The following PTPRN2 variants were observed in gnomAD, a reference collection of about 807,000 sequenced individuals.
PTPRN2 encodes protein tyrosine phosphatase receptor type N2, also known as receptor-type tyrosine-protein phosphatase N2.
In PTPRN2, 74 loss-of-function variants were observed where a neutral mutation model predicts 118.8. The observed-to-expected ratio is 0.62, with a 90% CI of 0.52 to 0.76. The LOEUF is 0.76. PTPRN2 is among the 30% of genes least tolerant of loss of function. The pLI, the probability that PTPRN2 is intolerant of heterozygous loss-of-function variation, is 0.00. For missense variants in PTPRN2, 1,481 were observed against 1,394.4 expected, an observed-to-expected ratio of 1.06 and a Z score of -0.99; for synonymous variants, 641 against 608.0, an observed-to-expected ratio of 1.05 and a Z score of -0.80.
chr7:158,340,335 ACT>A (rs1806433153), intron 2 of PTPRN2, among the ~76,000 whole-genome samples: 1 of 102,200 alleles, frequency 9.8e-6, no homozygotes, highest in Non-Finnish European at 2.1e-5. Flanking sequence ...TCACACCCAC[ACT>A]GTCACCATAA....
intron 11 of PTPRN2, among the ~76,000 whole-genome samples, chr7:157,989,014 A>G (rs749307768): frequency 4.6e-5 from 7 of 152,268 alleles, no homozygotes; most frequent in African/African-American, 9.6e-5. Context: ...TCCTACCGCT[A>G]TAACACATTC....
At chr7:157,848,570 A>T (rs1809048376) in intron 12 of PTPRN2, among the ~76,000 whole-genome samples, 1 of 152,218 alleles carries the variant, frequency 6.6e-6, no homozygotes, top group African/African-American at 2.4e-5. Flanking sequence ...CTGCTGTGAG[A>T]TGGGCAACAG....
intron 2 of PTPRN2, among the ~76,000 whole-genome samples, chr7:158,317,297 G>C (rs1802413084): frequency 6.6e-6 from 1 of 152,164 alleles, no homozygotes; most frequent in African/African-American, 2.4e-5. Context: ...TAACATTCCA[G>C]GCCAGTTTTC....
At chr7:157,608,249 G>A (rs1802121352) in intron 15 of PTPRN2, among the ~76,000 whole-genome samples, 1 of 152,092 alleles carries the variant, frequency 6.6e-6, no homozygotes, top group Admixed American at 6.5e-5. Context: ...TGTATTTTTA[G>A]TAGAGACAGG....
chr7:157,816,703 C>T (rs75659555), intron 12 of PTPRN2, among the ~76,000 whole-genome samples: 6,722 of 152,258 alleles, frequency 0.044, 274 homozygotes, highest in East Asian at 0.21. Context: ...GGCTGGCATT[C>T]GGCACATCCT....
chr7:157,668,846 C>T (rs1796267431), intron 13 of PTPRN2, among the ~76,000 whole-genome samples: 1 of 152,150 alleles, frequency 6.6e-6, no homozygotes, highest in Admixed American at 6.5e-5. Context: ...GAAAAATATT[C>T]CAGGTTGTTA....
intron 9 of PTPRN2, among the ~76,000 whole-genome samples, chr7:158,117,083 T>G (rs4909241): frequency 0.32 from 48,849 of 151,648 alleles, 7,994 homozygotes; most frequent in East Asian, 0.42. Flanking sequence ...CAACAATAAT[T>G]GTCTCTAAAA....
intron 12 of PTPRN2, among the ~76,000 whole-genome samples, chr7:157,810,639 GACGGGA>G (rs1344392645): frequency 7.5e-6 from 1 of 133,346 alleles, no homozygotes; most frequent in Non-Finnish European, 1.6e-5. Flanking sequence ...TGGGGACGGG[GACGGGA>G]ACGGCGGGAC....
intron 1 of PTPRN2, among the ~76,000 whole-genome samples, chr7:158,558,865 C>T (rs2129450787): frequency 6.6e-6 from 1 of 152,194 alleles, no homozygotes; most frequent in South Asian, 2.1e-4. Flanking sequence ...AGAGATGAGG[C>T]CCAGAAGACA....
At chr7:158,395,824 C>G (rs1229751224) in intron 2 of PTPRN2, among the ~76,000 whole-genome samples, 1 of 148,458 alleles carries the variant, frequency 6.7e-6, no homozygotes, top group Non-Finnish European at 1.5e-5. Flanking sequence ...GCGAGGGCTC[C>G]CGGCCTGCGC....
Position 157,898,733 on chromosome 7 carries a change from G to A in PTPRN2, c.1728C>T (p.Asp576=). 1.2e-6 allele frequency: 2 copies of A among 1,604,548 alleles called. No individual in the cohort carries two copies. Among genetic ancestry groups the A allele is most frequent in the Non-Finnish European group, 1.7e-6 (2 of 1,171,142 alleles). Residue 576 remains aspartate (D), a synonymous_variant, in exon 12 of 23, where the codon GAC becomes GAT. Transcript: ENST00000389418. ...AGGTTTCCTCCAGTTTGTCTTTGTT[G>A]TCAACTGTTAGGAAAAATCAGAAAG... ...TTEDVEKATV[D]NKDKLEETSG...
intron 6 of PTPRN2, among the ~76,000 whole-genome samples, chr7:158,156,716 GA>G (rs1437585923): frequency 6.6e-6 from 1 of 152,182 alleles, no homozygotes; most frequent in Non-Finnish European, 1.5e-5. Flanking sequence ...GTGGGAAGGG[GA>G]AAGGCTCCCC....
At chr7:158,356,889 A>G (rs1808427258) in intron 2 of PTPRN2, among the ~76,000 whole-genome samples, 1 of 152,186 alleles carries the variant, frequency 6.6e-6, no homozygotes, top group Non-Finnish European at 1.5e-5. Context: ...TCTGGGGACC[A>G]AGTAAAACCC....
At chr7:158,530,322 A>T (rs1825122016) in intron 1 of PTPRN2, among the ~76,000 whole-genome samples, 1 of 152,232 alleles carries the variant, frequency 6.6e-6, no homozygotes, top group African/African-American at 2.4e-5. Context: ...TTCAATACTG[A>T]TGCTGGTACA....
intron 11 of PTPRN2, among the ~76,000 whole-genome samples, chr7:158,026,852 T>C (rs1323225884): frequency 6.6e-6 from 1 of 152,214 alleles, no homozygotes; most frequent in Non-Finnish European, 1.5e-5. Flanking sequence ...GGCCCTGTCC[T>C]CTGCAGGGCT....
rs377155612 is a variant in PTPRN2 at position 157,597,206 on chromosome 7, GC to G, written c.2419-1892del. ...GGGCTGGGGGGAAGCAGGGAGAAAA[GC>G]TTTTTGTGCATCTGATTTAGTGATT... is the stretch of plus-strand genomic sequence containing the variant. On this transcript the variant is annotated intron_variant, in intron 16 of 22. Coordinates refer to ENST00000389418, the MANE Select transcript of PTPRN2 (RefSeq NM_002847.5). Among the ~76,000 whole-genome samples the G allele has an allele frequency of 3.3e-4, 51 of 152,324 alleles. No individual in the cohort carries two copies. In the South Asian group the frequency reaches 0.011, roughly 32 times the overall value.
At chr7:157,748,543 G>A (rs1441549336) in intron 12 of PTPRN2, among the ~76,000 whole-genome samples, 7 of 149,156 alleles carry the variant, frequency 4.7e-5, no homozygotes, top group African/African-American at 1.7e-4. Context: ...GGGGTGTCCG[G>A]GTGATTCTGA....
intron 3 of PTPRN2, among the ~76,000 whole-genome samples, chr7:158,220,286 T>C (rs1374686588): frequency 6.6e-6 from 1 of 152,056 alleles, no homozygotes; most frequent in Non-Finnish European, 1.5e-5. Flanking sequence ...CTCTCATCAC[T>C]CCTATTCAAC....
chr7:157,782,875 C>T (rs1427144916), intron 12 of PTPRN2, among the ~76,000 whole-genome samples: 1 of 152,200 alleles, frequency 6.6e-6, no homozygotes, highest in Non-Finnish European at 1.5e-5. Flanking sequence ...ACTCGGGGAG[C>T]CTTGAGTGCA....
Sources: gnomAD v4.1 joint callset for allele counts (sites outside exome capture counted in the v4.1 genomes callset) on GRCh38, gnomAD v4.1.1 for gene constraint, MANE v1.5 for transcripts, NCBI Gene and HGNC (gene_info 2026-07-23, HGNC 2026-07-21) for gene names.